The following PTAR1 variants were observed in gnomAD, a reference collection of about 807,000 sequenced individuals.
The protein encoded by PTAR1 is protein prenyltransferase alpha subunit repeat-containing protein 1.
Under a neutral mutation model 45.5 loss-of-function variants are expected in PTAR1, and 17 were observed. That is an observed-to-expected ratio of 0.37 (90% CI 0.26 to 0.56). The LOEUF (loss-of-function observed/expected upper bound fraction) is 0.56, where lower values mean the gene tolerates loss of function less well. PTAR1 is among the 20% of genes least tolerant of loss of function. The pLI is 0.77. For missense variants in PTAR1, 391 were observed against 476.3 expected (o/e 0.82, Z 1.67); for synonymous variants, 169 against 171.3 (o/e 0.99, Z 0.11).
chr9:69,726,961 C>CT (rs200196199), intron 5 of PTAR1, among the ~76,000 whole-genome samples: 2 of 140,454 alleles, frequency 1.4e-5, no homozygotes, highest in South Asian at 2.3e-4. Flanking sequence ...AAGTAAAATT[C>CT]TTTTTTTTCT....
chr9:69,719,450 T>G (rs1408960580), intron 6 of PTAR1, among the ~76,000 whole-genome samples: 2 of 152,172 alleles, frequency 1.3e-5, no homozygotes. Flanking sequence ...TCTAGGTTGT[T>G]ACATCTCATC....
chr9:69,710,174 A>G lies in PTAR1; in HGVS notation c.*8168T>C, dbSNP rs919345653. The G allele has an allele frequency of 6.6e-6, 1 of 152,128 alleles. No homozygotes were observed. Among genetic ancestry groups the G allele is most frequent in the African/African-American group, 2.4e-5 (1 of 41,442 alleles). The allele number at this position is 152,128 out of a possible 1,614,324, so 9.4% of individuals were successfully genotyped here. ...CTGTCCAGTATAGTAGCCCTTAGCC[A>G]TATGTGACTACTGAGCACTTAAAAT... On this transcript the variant is annotated 3_prime_UTR_variant, in exon 8 of 8. Transcript: ENST00000340434.
chr9:69,742,727 C>T (rs1826095098), intron 2 of PTAR1, among the ~76,000 whole-genome samples: 1 of 151,856 alleles, frequency 6.6e-6, no homozygotes, highest in Non-Finnish European at 1.5e-5. Flanking sequence ...CTATAACTGA[C>T]CTATATATAT....
chr9:69,734,190 A>G lies in PTAR1; in HGVS notation c.388T>C (p.Leu130=). 1 of 1,583,828 alleles carries G rather than the reference A, an allele frequency of 6.3e-7. No individual in the cohort carries two copies. The highest frequency in any genetic ancestry group is 8.6e-7 in the Non-Finnish European group (1 of 1,161,060). ...TCTGGACTCTTTGGAAACTTGGTTA[A>G]GGCGAGTTTTCCCAGATGTAAATCC... The part of the protein sequence containing the change: ...IKDLHLGKLA[L]TKFPKSPETW... The change falls in exon 4 of 8, where the codon TTA becomes CTA. Residue 130 remains leucine (L), a synonymous_variant. Coordinates refer to ENST00000340434, the MANE Select transcript of PTAR1 (RefSeq NM_001099666.2).
At position 69,714,709 on chromosome 9, in the gene PTAR1, A is replaced by G. The variant is rs1199926614; in HGVS notation, c.*3633T>C. On this transcript the variant is annotated 3_prime_UTR_variant, in exon 8 of 8. Coordinates refer to ENST00000340434, the MANE Select transcript of PTAR1 (RefSeq NM_001099666.2). ...AAGTACTTTTAGAGATAACCTGTATATATTTAACCCTACTAATAATTAAGC... is the reference window on the plus strand; with the variant it reads ...AAGTACTTTTAGAGATAACCTGTATGTATTTAACCCTACTAATAATTAAGC... 2.0e-5 allele frequency: 3 copies of G among 152,094 alleles called. No homozygotes were observed. The highest frequency in any genetic ancestry group is 1.3e-4 in the Admixed American group (2 of 15,240). 9.4% of individuals were successfully genotyped at this position (152,094 alleles called of 1,614,324 possible). A position where few individuals can be genotyped will look rare whatever the true frequency, so the allele number is the denominator to read the frequency against.
In PTAR1 at chr9:69,715,552, A is replaced by T. The variant is rs1234017569; in HGVS notation, c.*2790T>A. The T allele has an allele frequency of 6.6e-6, 1 of 152,124 alleles. No homozygotes were observed. Among genetic ancestry groups the T allele is most frequent in the African/African-American group, 2.4e-5 (1 of 41,448 alleles). 9.4% of individuals were successfully genotyped at this position (152,124 alleles called of 1,614,324 possible). On this transcript the variant is annotated 3_prime_UTR_variant, in exon 8 of 8. Coordinates refer to ENST00000340434, the MANE Select transcript of PTAR1 (RefSeq NM_001099666.2). Reference sequence around the variant, plus strand: ...CTTTTTGCTTGTCAGTAGTATTCTTAATCCACAGTAGGATGACCCACTGTT... The same window carrying T: ...CTTTTTGCTTGTCAGTAGTATTCTTTATCCACAGTAGGATGACCCACTGTT...
rs1824479363 is a variant in PTAR1, at chr9:69,710,370, TTTGC to T, written c.*7968_*7971del. The T allele has an allele frequency of 1.3e-5, 2 of 152,158 alleles. No homozygotes were observed. The highest frequency in any genetic ancestry group is 2.9e-5 in the Non-Finnish European group (2 of 68,006). 9.4% of individuals were successfully genotyped at this position (152,158 alleles called of 1,614,324 possible). A position where few individuals can be genotyped will look rare whatever the true frequency, so the allele number is the denominator to read the frequency against. ...TACATAAACTGTTATTAAAATTAAT[TTTGC>T]TTGTTTCTTTTTTAATATGGCTACT... On this transcript the variant is annotated 3_prime_UTR_variant, in exon 8 of 8. Transcript: ENST00000340434.
At chr9:69,756,858 A>G (rs753820358) in intron 1 of PTAR1, among the ~76,000 whole-genome samples, 10 of 152,224 alleles carry the variant, frequency 6.6e-5, no homozygotes, top group African/African-American at 9.6e-5. Flanking sequence ...CTACACCTGC[A>G]CTATGCATCA....
In PTAR1 at chr9:69,718,561, G is replaced by A. The variant is rs773588266; in HGVS notation, c.990C>T (p.Ser330=). The A allele has an allele frequency of 6.2e-7, 1 of 1,613,660 alleles. No homozygotes were observed. The highest frequency in any genetic ancestry group is 8.5e-7 in the Non-Finnish European group (1 of 1,179,694). Residue 330 remains serine (S), a synonymous_variant, in exon 8 of 8, where the codon TCC becomes TCT. Coordinates refer to ENST00000340434, the MANE Select transcript of PTAR1 (RefSeq NM_001099666.2). ...CTACTTCCATTGCTTGAGACAGCTGGGAGCCTGCTGGGATAAGGTGCAAGT... is the reference window on the plus strand; with the variant it reads ...CTACTTCCATTGCTTGAGACAGCTGAGAGCCTGCTGGGATAAGGTGCAAGT... ...FYLQHHLNAG[S]QLSQAMEVDG...
At chr9:69,748,716 ACTG>A (rs1479635608) in intron 2 of PTAR1, among the ~76,000 whole-genome samples, 3 of 152,128 alleles carry the variant, frequency 2.0e-5, no homozygotes, top group African/African-American at 7.2e-5. Context: ...TCATGAAATA[ACTG>A]CTTTTTCCTA....
rs150287693 is a variant in PTAR1, at chr9:69,751,906, T to C, written c.87-956A>G. Among the ~76,000 whole-genome samples the C allele has an allele frequency of 2.0e-5, 3 of 152,176 alleles. No individual in the cohort carries two copies. The East Asian group carries it at 5.8e-4, about 29-fold the overall frequency. ...AAAGGCAGAGATTTAATAAACAATA[T>C]GTAGGGCATTTGACTTACTTAGTAA... On this transcript the variant is annotated intron_variant, in intron 1 of 7. Coordinates refer to ENST00000340434, the MANE Select transcript of PTAR1 (RefSeq NM_001099666.2).
chr9:69,727,056 T>TAC (rs887657676), intron 5 of PTAR1, among the ~76,000 whole-genome samples: 13 of 142,546 alleles, frequency 9.1e-5, no homozygotes, highest in African/African-American at 2.6e-4. Flanking sequence ...CACACACGTA[T>TAC]ACACACACAT....
intron 2 of PTAR1, among the ~76,000 whole-genome samples, chr9:69,745,837 G>T (rs1006348343): frequency 6.6e-6 from 1 of 152,220 alleles, no homozygotes; most frequent in African/African-American, 2.4e-5. Context: ...AGTAAGGACT[G>T]AATGGTAATT....
rs1448579120 is a variant in PTAR1 at position 69,711,471 on chromosome 9, T to C, written c.*6871A>G. The C allele has an allele frequency of 1.3e-5, 2 of 152,204 alleles. No individual in the cohort carries two copies. The highest frequency in any genetic ancestry group is 2.4e-5 in the African/African-American group (1 of 41,464). 9.4% of individuals were successfully genotyped at this position (152,204 alleles called of 1,614,324 possible). A position where few individuals can be genotyped will look rare whatever the true frequency, so the allele number is the denominator to read the frequency against. On this transcript the variant is annotated 3_prime_UTR_variant, in exon 8 of 8. Coordinates refer to ENST00000340434, the MANE Select transcript of PTAR1 (RefSeq NM_001099666.2). ...TGTATCATTCACAAAAAGTTCTTCC[T>C]CATGCCAAAGATGTTCTGAGAAAAC...
chr9:69,749,822 G>A (rs1185707074), intron 2 of PTAR1, among the ~76,000 whole-genome samples: 1 of 151,958 alleles, frequency 6.6e-6, no homozygotes, highest in Non-Finnish European at 1.5e-5. Flanking sequence ...CTGAATAAAG[G>A]GACCATGTAT....
At chr9:69,735,115 G>A (rs1406768941) in intron 3 of PTAR1, among the ~76,000 whole-genome samples, 1 of 152,110 alleles carries the variant, frequency 6.6e-6, no homozygotes, top group African/African-American at 2.4e-5. Flanking sequence ...GATATACGAG[G>A]CCATTCCTTT....
rs1238357997 is a variant in PTAR1, at chr9:69,754,871, T to C, written c.87-3921A>G. Among the ~76,000 whole-genome samples, 6 of 152,100 alleles carry C rather than the reference T, an allele frequency of 3.9e-5. No homozygotes were observed. In the South Asian group the frequency reaches 8.3e-4, roughly 21 times the overall value. On this transcript the variant is annotated intron_variant, in intron 1 of 7. Transcript: ENST00000340434. ...GCCCAGCTGGGTATACATCCTTTTTTCCTGAGTATTTTCAAAAAGTGGGAT... is the reference window on the plus strand; with the variant it reads ...GCCCAGCTGGGTATACATCCTTTTTCCCTGAGTATTTTCAAAAAGTGGGAT...
intron 5 of PTAR1, among the ~76,000 whole-genome samples, chr9:69,725,691 G>T (rs1564129718): frequency 6.6e-6 from 1 of 151,792 alleles, no homozygotes; most frequent in Non-Finnish European, 1.5e-5. Flanking sequence ...TTTTCCCTAA[G>T]ATATAAAGAT....
chr9:69,741,706 G>A (rs982737646), intron 3 of PTAR1, 86 bp downstream of exon 3: 16 of 857,790 alleles, frequency 1.9e-5, no homozygotes, highest in South Asian at 4.5e-5. Context: ...TTTATATTTC[G>A]TTTTCAAAAG....
Sources: gnomAD v4.1 joint callset for allele counts (sites outside exome capture counted in the v4.1 genomes callset) on GRCh38, gnomAD v4.1.1 for gene constraint, MANE v1.5 for transcripts, NCBI Gene and HGNC (gene_info 2026-07-23, HGNC 2026-07-21) for gene names.